BABAM2: variants seen among roughly 807,000 people sequenced by gnomAD.
BABAM2 encodes BRISC and BRCA1-A complex member 2.
BABAM2 carries 31 observed loss-of-function variants against 54.7 expected under a neutral mutation model. That is an observed-to-expected ratio of 0.57 (90% CI 0.43 to 0.77). The LOEUF (loss-of-function observed/expected upper bound fraction) is 0.77, where lower values mean the gene tolerates loss of function less well. BABAM2 is among the 30% of genes least tolerant of loss of function. The pLI, the probability that BABAM2 is intolerant of heterozygous loss-of-function variation, is 0.00. For synonymous variants in BABAM2, 167 were observed against 162.9 expected (o/e 1.03, Z -0.19); for missense variants, 364 against 455.8 (o/e 0.80, Z 1.83).
chr2:27,951,705 A>G (rs989689501), intron 3 of BABAM2, among the ~76,000 whole-genome samples: 3 of 151,924 alleles, frequency 2.0e-5, no homozygotes, highest in Non-Finnish European at 4.4e-5. Flanking sequence ...CAATTTTTTC[A>G]ATTTTTTATT....
At chr2:28,017,974 T>C (rs1191799944) in intron 4 of BABAM2, among the ~76,000 whole-genome samples, 1 of 152,242 alleles carries the variant, frequency 6.6e-6, no homozygotes, top group Non-Finnish European at 1.5e-5. Flanking sequence ...AACATTTGTG[T>C]ACAGGTTTTT....
At chr2:28,183,815 C>T (rs1675934767) in intron 7 of BABAM2, among the ~76,000 whole-genome samples, 1 of 151,270 alleles carries the variant, frequency 6.6e-6, no homozygotes. Flanking sequence ...CAGACACCAG[C>T]ATCTGTTAAC....
At chr2:28,134,546 T>TA (rs1319802419) in intron 7 of BABAM2, 2 of 152,280 alleles carry the variant, frequency 1.3e-5, no homozygotes, top group African/African-American at 4.8e-5. Context: ...CTGTTCCCAC[T>TA]CTGTGCATAA....
At chr2:28,032,410 A>G (rs765885276) in intron 5 of BABAM2, among the ~76,000 whole-genome samples, 12 of 152,072 alleles carry the variant, frequency 7.9e-5, no homozygotes, top group Admixed American at 2.0e-4. Context: ...GAAATACACT[A>G]TTCTCCCCAC....
intron 7 of BABAM2, among the ~76,000 whole-genome samples, chr2:28,232,972 C>G (rs892863121): frequency 6.6e-6 from 1 of 152,114 alleles, no homozygotes; most frequent in African/African-American, 2.4e-5. Context: ...TTTAATTACC[C>G]CTACCACTGG....
At chr2:28,028,845 C>T (rs759538954) in intron 5 of BABAM2, among the ~76,000 whole-genome samples, 2 of 152,172 alleles carry the variant, frequency 1.3e-5, no homozygotes, top group Non-Finnish European at 2.9e-5. Flanking sequence ...CGGCTCACTG[C>T]AACCTCCGCC....
At chr2:28,013,053 A>T (rs1261596190) in intron 4 of BABAM2, among the ~76,000 whole-genome samples, 1 of 152,178 alleles carries the variant, frequency 6.6e-6, no homozygotes, top group Non-Finnish European at 1.5e-5. Flanking sequence ...ACCTTCTTTT[A>T]AGAGGAACTG....
intron 10 of BABAM2, 59 bp downstream of exon 10, chr2:28,244,921 TG>T: frequency 6.9e-7 from 1 of 1,448,838 alleles, no homozygotes; most frequent in Non-Finnish European, 9.7e-7. Context: ...CTAAACCACA[TG>T]TAATAATCAG....
intron 6 of BABAM2, among the ~76,000 whole-genome samples, chr2:28,099,498 T>C (rs1666892087): frequency 6.6e-6 from 1 of 152,226 alleles, no homozygotes; most frequent in African/African-American, 2.4e-5. Context: ...ATGAATTATA[T>C]TGTTTTCCTT....
At chr2:28,320,961 TAAG>T (rs910084681) in intron 11 of BABAM2, among the ~76,000 whole-genome samples, 27 of 152,338 alleles carry the variant, frequency 1.8e-4, no homozygotes, top group African/African-American at 5.8e-4. Flanking sequence ...AACTATAAAA[TAAG>T]AAGTATCAAG....
intron 7 of BABAM2, among the ~76,000 whole-genome samples, chr2:28,139,321 CAAAAAAAA>C (rs768755922): frequency 3.4e-5 from 3 of 87,090 alleles, no homozygotes; most frequent in Non-Finnish European, 6.0e-5. Context: ...AACTCCGTCT[CAAAAAAAA>C]AAAAAAAAAA....
chr2:28,144,774 C>A (rs1671352038), intron 7 of BABAM2, among the ~76,000 whole-genome samples: 1 of 152,158 alleles, frequency 6.6e-6, no homozygotes. Context: ...GCACAATAGA[C>A]CTTTGGGTCT....
intron 6 of BABAM2, among the ~76,000 whole-genome samples, chr2:28,118,882 A>G (rs765609928): frequency 1.3e-4 from 19 of 151,974 alleles, no homozygotes; most frequent in Non-Finnish European, 2.5e-4. Context: ...TTGTTAATCC[A>G]TCTTGAGTTA....
At chr2:28,147,291 T>A (rs953927390) in intron 7 of BABAM2, among the ~76,000 whole-genome samples, 2 of 152,214 alleles carry the variant, frequency 1.3e-5, no homozygotes, top group East Asian at 3.8e-4. Context: ...CAAATCATTC[T>A]TAATGTTCTT....
chr2:28,214,837 TG>T (rs921897583), intron 7 of BABAM2, among the ~76,000 whole-genome samples: 28 of 152,226 alleles, frequency 1.8e-4, no homozygotes, highest in African/African-American at 6.5e-4. Flanking sequence ...CTTCTGATAA[TG>T]CTTATGCAAT....
intron 7 of BABAM2, among the ~76,000 whole-genome samples, chr2:28,178,792 AC>A (rs1675301774): frequency 6.6e-6 from 1 of 152,024 alleles, no homozygotes; most frequent in African/African-American, 2.4e-5. Context: ...AAAATCAGAA[AC>A]AAAAAAAGAG....
intron 6 of BABAM2, among the ~76,000 whole-genome samples, chr2:28,099,631 TCATTGTG>T (rs936842367): frequency 6.6e-6 from 1 of 152,226 alleles, no homozygotes; most frequent in African/African-American, 2.4e-5. Context: ...TCATAAAAAA[TCATTGTG>T]CATATCTTGT....
At chr2:28,028,837 G>A (rs1245077152) in intron 5 of BABAM2, among the ~76,000 whole-genome samples, 1 of 152,082 alleles carries the variant, frequency 6.6e-6, no homozygotes, top group Admixed American at 6.5e-5. Flanking sequence ...CGTACTCTCG[G>A]CTCACTGCAA....
chr2:28,282,544 G>A (rs1200035288), intron 10 of BABAM2, among the ~76,000 whole-genome samples: 4 of 152,236 alleles, frequency 2.6e-5, no homozygotes, highest in Admixed American at 1.3e-4. Context: ...AGGCAGGGTC[G>A]AATCCTGGCC....
Sources: gnomAD v4.1 joint callset for allele counts (sites outside exome capture counted in the v4.1 genomes callset) on GRCh38, gnomAD v4.1.1 for gene constraint, MANE v1.5 for transcripts, NCBI Gene and HGNC (gene_info 2026-07-23, HGNC 2026-07-21) for gene names.